Variants in LRRK1 observed in about 807,000 individuals in gnomAD.
The protein encoded by LRRK1 is leucine-rich repeat serine/threonine-protein kinase 1.
A neutral mutation model predicts 209.1 loss-of-function variants in LRRK1; 113 were observed. The ratio of observed to expected loss-of-function variants is 0.54; its 90% confidence interval spans 0.46 to 0.63. The LOEUF is 0.63. LRRK1 is among the 30% of genes least tolerant of loss of function. The probability of loss-of-function intolerance (pLI) is 0.00; values close to 1 mark genes in which losing one functional copy is unlikely to be tolerated. For synonymous variants in LRRK1, 1,144 were observed against 1,099.7 expected (o/e 1.04, Z -0.80); for missense variants, 2,284 against 2,632.2 (o/e 0.87, Z 2.89).
intron 2 of LRRK1, among the ~76,000 whole-genome samples, chr15:100,929,084 G>A (rs950091618): frequency 6.6e-6 from 1 of 152,178 alleles, no homozygotes; most frequent in Non-Finnish European, 1.5e-5. Context: ...GTCATTAGAT[G>A]TTCATTCTTC....
chr15:101,073,860 C>G lies in LRRK1; in HGVS notation c.*5012C>G, dbSNP rs1596374325. 6.6e-6 allele frequency: 1 copy of G among 152,152 alleles called. No homozygotes were observed. The highest frequency in any genetic ancestry group is 1.9e-4 in the East Asian group (1 of 5,196). 9.4% of individuals were successfully genotyped at this position (152,152 alleles called of 1,614,324 possible). A position where few individuals can be genotyped will look rare whatever the true frequency, so the allele number is the denominator to read the frequency against. On this transcript the variant is annotated 3_prime_UTR_variant, in exon 34 of 34. Coordinates refer to ENST00000388948, the MANE Select transcript of LRRK1 (RefSeq NM_024652.6). ...AGCCTATGTTCTCAAAAACTTAAAA[C>G]CTCTTCAACTCACACCTGACCTAAA...
At chr15:100,934,626 C>CAAAAAAAA (rs71151991) in intron 2 of LRRK1, among the ~76,000 whole-genome samples, 2 of 72,384 alleles carry the variant, frequency 2.8e-5, no homozygotes, top group African/African-American at 1.2e-4. Flanking sequence ...CCCATCTCTA[C>CAAAAAAAA]AAAAAAAAAA....
chr15:101,012,440 G>A (rs2033299622), intron 10 of LRRK1, among the ~76,000 whole-genome samples: 1 of 152,212 alleles, frequency 6.6e-6, no homozygotes, highest in Non-Finnish European at 1.5e-5. Flanking sequence ...GAGAGCTCCA[G>A]GAAGGGCCTT....
At position 101,008,912 on chromosome 15, in the gene LRRK1, A is replaced by G. The variant is rs1408267488; in HGVS notation, c.838A>G (p.Ile280Val). The G allele has an allele frequency of 4.3e-6, 7 of 1,614,066 alleles. No individual in the cohort carries two copies. Among genetic ancestry groups the G allele is most frequent in the Non-Finnish European group, 5.9e-6 (7 of 1,180,036 alleles). ...CTGGCTCATAGACATCTCCTGCCAG[A>G]TCACGGAGCTCGACCTTTCTGCCAA... ...LDWLIDISCQ[I>V]TELDLSANCL... The change falls in exon 7 of 34, where the codon ATC (isoleucine) becomes GTC (valine). Residue 280 changes from isoleucine (I) to valine (V), a missense_variant. Coordinates refer to ENST00000388948, the MANE Select transcript of LRRK1 (RefSeq NM_024652.6).
intron 20 of LRRK1, among the ~76,000 whole-genome samples, chr15:101,033,220 A>G (rs1263269814): frequency 6.6e-6 from 1 of 152,174 alleles, no homozygotes; most frequent in Non-Finnish European, 1.5e-5. Flanking sequence ...TGGAATGATC[A>G]AGTCAGGGTA....
chr15:101,035,180 G>T (rs1359084483), intron 20 of LRRK1, among the ~76,000 whole-genome samples: 2 of 151,682 alleles, frequency 1.3e-5, no homozygotes, highest in East Asian at 3.9e-4. Flanking sequence ...AGGTCCTTTT[G>T]GTCTCAAGTC....
intron 2 of LRRK1, among the ~76,000 whole-genome samples, chr15:100,959,558 G>A (rs1213887825): frequency 6.6e-6 from 1 of 152,160 alleles, no homozygotes; most frequent in Non-Finnish European, 1.5e-5. Flanking sequence ...AAAAGCTAAG[G>A]GAAGCTTGGT....
chr15:101,048,492 A>T lies in LRRK1; in HGVS notation c.3136-2A>T, dbSNP rs1230657148. On this transcript the variant is annotated splice_acceptor_variant, in intron 21 of 33. Transcript: ENST00000388948. LOFTEE classifies it high-confidence loss of function. The stretch of plus-strand genomic sequence containing the variant: ...AAGCAGGGTCTTTTCTCTGTCTTTC[A>T]GCTTTTTGAAAACAAGAAGAATACT... 1.2e-6 allele frequency: 2 copies of T among 1,602,006 alleles called. No homozygotes were observed. The highest frequency in any genetic ancestry group is 2.7e-5 in the African/African-American group (2 of 73,832).
At chr15:101,025,714 T>G (rs1196839711) in intron 16 of LRRK1, among the ~76,000 whole-genome samples, 1 of 152,146 alleles carries the variant, frequency 6.6e-6, no homozygotes, top group Non-Finnish European at 1.5e-5. Flanking sequence ...TGCAGGAAGG[T>G]GCCAAGCCAT....
At chr15:101,039,958 T>C (rs2034668827) in intron 20 of LRRK1, among the ~76,000 whole-genome samples, 1 of 152,242 alleles carries the variant, frequency 6.6e-6, no homozygotes, top group Non-Finnish European at 1.5e-5. Flanking sequence ...TTTTATCTAA[T>C]GCTAGATTTC....
At chr15:101,067,420 A>AAT (rs1419812717) in intron 33 of LRRK1, 28 of 346,950 alleles carry the variant, frequency 8.1e-5, no homozygotes, top group Non-Finnish European at 1.5e-4. Context: ...CCTCAGTTCA[A>AAT]ATGTGTGTGT....
intron 20 of LRRK1, among the ~76,000 whole-genome samples, chr15:101,037,683 C>T (rs1350136160): frequency 6.6e-6 from 1 of 152,164 alleles, no homozygotes; most frequent in Non-Finnish European, 1.5e-5. Context: ...AGGTGGTAGC[C>T]TATGCCTCAC....
At chr15:101,007,445 C>T (rs1384009850) in intron 6 of LRRK1, among the ~76,000 whole-genome samples, 2 of 152,202 alleles carry the variant, frequency 1.3e-5, no homozygotes, top group African/African-American at 2.4e-5. Context: ...CCTTTGACCA[C>T]CCCATGCCGG....
intron 4 of LRRK1, 141 bp from the exon 5 acceptor site, chr15:100,988,493 G>C: frequency 1.3e-6 from 1 of 771,522 alleles, no homozygotes; most frequent in South Asian, 1.5e-5. Flanking sequence ...CTTTTTTATG[G>C]CTGTATAGTA....
At chr15:101,008,645 G>A (rs2033091858) in intron 6 of LRRK1, among the ~76,000 whole-genome samples, 192 bp from the exon 7 acceptor site, 1 of 152,232 alleles carries the variant, frequency 6.6e-6, no homozygotes, top group Admixed American at 6.5e-5. Flanking sequence ...GTGCCGATGG[G>A]AACAGGTAGC....
chr15:101,008,488 G>T (rs1165238459), intron 6 of LRRK1, among the ~76,000 whole-genome samples: 1 of 152,118 alleles, frequency 6.6e-6, no homozygotes, highest in Admixed American at 6.5e-5. Context: ...ACGCTTCAGC[G>T]GTCTCCTCTG....
rs999534552 is a variant in LRRK1, at chr15:101,068,762, G to A, written c.5962G>A (p.Gly1988Ser). 6.8e-6 allele frequency: 11 copies of A among 1,613,816 alleles called. No individual in the cohort carries two copies. The highest frequency in any genetic ancestry group is 8.5e-6 in the Non-Finnish European group (10 of 1,179,928). Residue 1988 changes from glycine (G) to serine (S), a missense_variant, in exon 34 of 34, where the codon GGC becomes AGC. Physicochemically the swap from Gly to Ser is moderately conservative, Grantham distance 56 (BLOSUM62 0). Transcript: ENST00000388948. ...NTEWCLAVWR[G>S]WGAREFDIFY... The stretch of plus-strand genomic sequence containing the variant: ...AGAGTGGTGCCTGGCCGTCTGGAGG[G>A]GCTGGGGCGCCAGGGAGTTCGACAT...
intron 2 of LRRK1, among the ~76,000 whole-genome samples, chr15:100,949,819 A>C (rs145528550): frequency 1.3e-3 from 202 of 152,260 alleles, no homozygotes; most frequent in African/African-American, 4.5e-3. Context: ...CTACCCTTTG[A>C]TGAGAAACAC....
At chr15:101,030,515 T>C (rs952776583) in intron 20 of LRRK1, among the ~76,000 whole-genome samples, 3 of 152,298 alleles carry the variant, frequency 2.0e-5, no homozygotes, top group Admixed American at 1.3e-4. Flanking sequence ...TGACACAGCA[T>C]GTCTGAGACA....
Sources: gnomAD v4.1 joint callset for allele counts (sites outside exome capture counted in the v4.1 genomes callset) on GRCh38, gnomAD v4.1.1 for gene constraint, MANE v1.5 for transcripts, NCBI Gene and HGNC (gene_info 2026-07-23, HGNC 2026-07-21) for gene names.